SEMA3D: variants seen among roughly 807,000 people sequenced by gnomAD.
SEMA3D encodes semaphorin 3D.
In SEMA3D, 84 loss-of-function variants were observed where a neutral mutation model predicts 100.1. The observed-to-expected ratio is 0.84, with a 90% CI of 0.70 to 1.01. SEMA3D has a LOEUF of 1.01. Ranked by LOEUF, SEMA3D falls within the 50% of genes least tolerant of loss-of-function variation. SEMA3D has a pLI of 0.00. For synonymous variants in SEMA3D, 312 were observed against 320.7 expected (o/e 0.97, Z 0.29); for missense variants, 875 against 934.1 (o/e 0.94, Z 0.82).
At chr7:85,214,326 T>C in the SEMA3D span, among the ~76,000 whole-genome samples, 1 of 152,140 alleles carries the variant, frequency 6.6e-6, no homozygotes, top group African/African-American at 2.4e-5. Flanking sequence ...ACACATATTG[T>C]AATAAAGTGT....
rs1011057413 is a variant in SEMA3D, at chr7:85,055,593, T to A, written c.861+124A>T. ...AGGGTAGTATGAATCATACCATTTA[T>A]GAATAATGAGCATTAACTTTGGCTT... is the stretch of plus-strand genomic sequence containing the variant. On this transcript the variant is annotated intron_variant, in intron 9 of 18. Transcript: ENST00000284136. The A allele has an allele frequency of 1.5e-5, 3 of 196,672 alleles. No individual in the cohort carries two copies. The Admixed American group carries it at 1.9e-4, about 12-fold the overall frequency. The allele number at this position is 196,672 out of a possible 1,614,324, so 12.2% of individuals were successfully genotyped here. A position where few individuals can be genotyped will look rare whatever the true frequency, so the allele number is the denominator to read the frequency against.
chr7:85,084,694 A>G (rs1788166448), intron 4 of SEMA3D, among the ~76,000 whole-genome samples: 1 of 151,600 alleles, frequency 6.6e-6, no homozygotes, highest in Admixed American at 6.6e-5. Flanking sequence ...TCTTGTAAAG[A>G]TTGTTTCTTC....
the SEMA3D span, among the ~76,000 whole-genome samples, chr7:85,242,930 G>C: frequency 2.6e-5 from 4 of 152,150 alleles, no homozygotes; most frequent in Non-Finnish European, 2.9e-5. Flanking sequence ...GTAGAGAAAA[G>C]GAACTGTGGT....
chr7:85,205,581 T>C, the SEMA3D span, among the ~76,000 whole-genome samples: 70,292 of 151,790 alleles, frequency 0.46, 17,464 homozygotes, highest in East Asian at 0.72. Flanking sequence ...AATATTCCTT[T>C]AAGAAGTGTT....
chr7:85,127,986 G>A (rs906640596), intron 2 of SEMA3D, among the ~76,000 whole-genome samples: 1 of 150,918 alleles, frequency 6.6e-6, no homozygotes, highest in African/African-American at 2.4e-5. Flanking sequence ...AAACTCAAAA[G>A]CATCAACCTC....
At chr7:85,078,670 A>C (rs1275293052) in intron 5 of SEMA3D, among the ~76,000 whole-genome samples, 7 of 152,214 alleles carry the variant, frequency 4.6e-5, no homozygotes, top group African/African-American at 1.7e-4. Context: ...TGTTCAACAA[A>C]GTGGAATAGT....
At chr7:85,133,052 T>C (rs1166415080) in intron 2 of SEMA3D, among the ~76,000 whole-genome samples, 1 of 151,934 alleles carries the variant, frequency 6.6e-6, no homozygotes, top group African/African-American at 2.4e-5. Flanking sequence ...GTGCCAGAAA[T>C]TTCAGCTTCT....
chr7:85,121,882 T>C lies in SEMA3D; in HGVS notation c.10A>G (p.Asn4Asp), dbSNP rs1315421681. 6.4e-7 allele frequency: 1 copy of C among 1,574,414 alleles called. No individual in the cohort carries two copies. Among genetic ancestry groups the C allele is most frequent in the Non-Finnish European group, 8.7e-7 (1 of 1,153,948 alleles). The change falls in exon 3 of 19, where the codon AAT becomes GAT. Residue 4 changes from asparagine (N) to aspartate (D), a missense_variant. Transcript: ENST00000284136. MNANKDERLKARSQ... is the reference protein window; with the variant it reads MNADKDERLKARSQ... ...CTGGCTTTAAGTCTTTCATCTTTATTAGCATTCATGATGAAAACAATGTTC... is the reference window on the plus strand; with the variant it reads ...CTGGCTTTAAGTCTTTCATCTTTATCAGCATTCATGATGAAAACAATGTTC...
intron 1 of SEMA3D, among the ~76,000 whole-genome samples, chr7:85,175,932 T>A (rs113830947): frequency 6.6e-6 from 1 of 152,090 alleles, no homozygotes; most frequent in Non-Finnish European, 1.5e-5. Flanking sequence ...ATTCACTCTC[T>A]GGTGTGTAAA....
intron 4 of SEMA3D, among the ~76,000 whole-genome samples, chr7:85,085,573 T>C (rs1291012294): frequency 6.6e-6 from 1 of 152,196 alleles, no homozygotes; most frequent in African/African-American, 2.4e-5. Flanking sequence ...GCCTTCTGTA[T>C]GTCAGCCAAG....
the SEMA3D span, among the ~76,000 whole-genome samples, chr7:85,241,418 C>A: frequency 7.1e-5 from 10 of 140,618 alleles, no homozygotes; most frequent in African/African-American, 2.7e-4. Flanking sequence ...AATATGGAAC[C>A]AACCCAAATG....
chr7:85,117,739 C>G lies in SEMA3D; in HGVS notation c.151+4002G>C, dbSNP rs188601678. ...AGTGATCCAAGATCTTGCCACTGTACTTGAGCGTGGGAGACAGAGCAAGAG... is the reference window on the plus strand; with the variant it reads ...AGTGATCCAAGATCTTGCCACTGTAGTTGAGCGTGGGAGACAGAGCAAGAG... On this transcript the variant is annotated intron_variant, in intron 3 of 18. Coordinates refer to ENST00000284136, the MANE Select transcript of SEMA3D (RefSeq NM_001384900.1). 1.1e-4 allele frequency among the ~76,000 whole-genome samples: 16 copies of G among 151,772 alleles called. No homozygotes were observed. The East Asian group carries it at 3.1e-3, about 30-fold the overall frequency.
intron 2 of SEMA3D, chr7:85,140,851 A>T: frequency 3.7e-6 from 3 of 819,978 alleles, no homozygotes; most frequent in Non-Finnish European, 4.4e-6. Context: ...TTCTACCATT[A>T]AAAAAATGGT....
the SEMA3D span, among the ~76,000 whole-genome samples, chr7:85,231,031 G>A: frequency 1.3e-5 from 2 of 152,132 alleles, no homozygotes; most frequent in South Asian, 2.1e-4. Context: ...TGAGGAATGT[G>A]TTTTCTTGGT....
intron 2 of SEMA3D, among the ~76,000 whole-genome samples, chr7:85,126,409 G>A (rs1489346254): frequency 8.5e-6 from 1 of 117,932 alleles, no homozygotes; most frequent in African/African-American, 3.9e-5. Flanking sequence ...TGTGTCGTGT[G>A]TGTGTGTGTG....
chr7:85,015,613 C>T (rs745732563), intron 15 of SEMA3D, among the ~76,000 whole-genome samples: 3 of 151,842 alleles, frequency 2.0e-5, no homozygotes, highest in East Asian at 2.0e-4. Context: ...ATATAAGAGA[C>T]GACTGAAAAT....
the SEMA3D span, among the ~76,000 whole-genome samples, chr7:85,220,525 A>T: frequency 2.0e-5 from 3 of 152,150 alleles, no homozygotes; most frequent in South Asian, 6.2e-4. Context: ...GATTAAAAAA[A>T]GTCTGAGATT....
At chr7:85,009,682 A>G (rs2115767014) in intron 17 of SEMA3D, among the ~76,000 whole-genome samples, 1 of 151,846 alleles carries the variant, frequency 6.6e-6, no homozygotes, top group South Asian at 2.1e-4. Flanking sequence ...CCTTTCACAA[A>G]CTTTACCCAA....
chr7:85,119,431 G>A (rs1239564069), intron 3 of SEMA3D, among the ~76,000 whole-genome samples: 2 of 152,132 alleles, frequency 1.3e-5, no homozygotes, highest in African/African-American at 4.8e-5. Flanking sequence ...ATACTATGCA[G>A]CCATAAAAAA....
Sources: gnomAD v4.1 joint callset for allele counts (sites outside exome capture counted in the v4.1 genomes callset) on GRCh38, gnomAD v4.1.1 for gene constraint, MANE v1.5 for transcripts, NCBI Gene and HGNC (gene_info 2026-07-23, HGNC 2026-07-21) for gene names.